Variants in ARVCF observed in about 807,000 individuals in gnomAD.
ARVCF encodes splicing regulator ARVCF.
Under a neutral mutation model 90.9 loss-of-function variants are expected in ARVCF, and 66 were observed. The ratio of observed to expected loss-of-function variants is 0.73; its 90% CI spans 0.60 to 0.89. ARVCF has a LOEUF of 0.89. Among genes scored for constraint, ARVCF ranks in the 40% least tolerant of loss-of-function variants. The pLI is 0.00. For missense variants in ARVCF, 1,469 were observed against 1,382.3 expected, an observed-to-expected ratio of 1.06 and a Z score of -1.00; for synonymous variants, 653 against 603.4, an observed-to-expected ratio of 1.08 and a Z score of -1.21.
chr22:20,015,148 G>A (rs1944985477), intron 1 of ARVCF, among the ~76,000 whole-genome samples: 1 of 152,216 alleles, frequency 6.6e-6, no homozygotes. Context: ...TGACAGGGCA[G>A]CTCAGCCAAG....
chr22:19,996,124 G>A (rs1005306141), intron 2 of ARVCF, among the ~76,000 whole-genome samples: 3 of 152,202 alleles, frequency 2.0e-5, no homozygotes, highest in Non-Finnish European at 2.9e-5. Flanking sequence ...CAGAGCCGGG[G>A]GCCTGGGGTT....
downstream of ARVCF, chr22:19,965,279 C>A (rs1034235891): frequency 6.6e-6 from 1 of 152,172 alleles, no homozygotes; most frequent in Admixed American, 6.6e-5. Flanking sequence ...TGGGAGGCTA[C>A]GGCAGGAGGA....
intron 2 of ARVCF, among the ~76,000 whole-genome samples, chr22:19,997,825 C>T (rs895064739): frequency 2.6e-5 from 4 of 152,182 alleles, no homozygotes; most frequent in East Asian, 1.9e-4. Flanking sequence ...CTAAGTGGGC[C>T]GGACATTGGT....
At chr22:20,016,216 G>C (rs1318546245) in intron 1 of ARVCF, among the ~76,000 whole-genome samples, 1 of 152,234 alleles carries the variant, frequency 6.6e-6, no homozygotes, top group Non-Finnish European at 1.5e-5. Flanking sequence ...GGCGGCTGCA[G>C]GGCCCTGGCA....
At chr22:19,988,729 A>G (rs1343407684) in intron 3 of ARVCF, among the ~76,000 whole-genome samples, 1 of 152,192 alleles carries the variant, frequency 6.6e-6, no homozygotes, top group African/African-American at 2.4e-5. Flanking sequence ...ACTGAAACCA[A>G]TCTGGGAAAC....
At chr22:19,968,489 T>C, downstream of ARVCF, 2 of 1,582,032 alleles carry the variant, frequency 1.3e-6, no homozygotes, top group Non-Finnish European at 1.7e-6. Flanking sequence ...GCAGGTTCTC[T>C]GGGCACCTCT....
intron 3 of ARVCF, among the ~76,000 whole-genome samples, chr22:19,983,024 G>T (rs2238781): frequency 0.36 from 54,637 of 152,194 alleles, 9,908 homozygotes; most frequent in South Asian, 0.45. Flanking sequence ...TCAGAGCCAG[G>T]CCCAACCCCT....
In ARVCF at chr22:19,975,685, C is replaced by T; in HGVS notation, c.1960+1G>A. 1 of 1,613,622 alleles carries T rather than the reference C, an allele frequency of 6.2e-7. No homozygotes were observed. The highest frequency in any genetic ancestry group is 8.5e-7 in the Non-Finnish European group (1 of 1,179,968). On this transcript the variant is annotated splice_donor_variant, in intron 11 of 19. Transcript: ENST00000263207. LOFTEE classifies it high-confidence loss of function. ...AGCTGGCTTCATCTCAGCCCACTCA[C>T]CTTTGGCGGCCTCAGTTCGCTTGGG... is the stretch of plus-strand genomic sequence containing the variant.
chr22:19,973,921 A>T, intron 12 of ARVCF, 128 bp from the exon 13 acceptor site: 5 of 1,480,378 alleles, frequency 3.4e-6, no homozygotes, highest in Non-Finnish European at 4.5e-6. Context: ...CCAAAAGCTC[A>T]ACGGCACCTC....
At chr22:19,981,174 C>A in intron 5 of ARVCF, 37 bp downstream of exon 5, 1 of 1,484,024 alleles carries the variant, frequency 6.7e-7, no homozygotes, top group Non-Finnish European at 9.0e-7. Context: ...GCAGACTTCC[C>A]AGAGGAGGTA....
At position 19,978,069 on chromosome 22, in the gene ARVCF, C is replaced by G; in HGVS notation, c.1587G>C (p.Val529=). The change falls in exon 8 of 20, where the codon GTG becomes GTC. Residue 529 remains valine, a synonymous_variant. Transcript: ENST00000263207. The stretch of plus-strand genomic sequence containing the variant: ...GCCGGGCCTCAGCACCATCGGAGCT[C>G]ACATTCCTGTGTGGCCAAGAGCAGG... ...FKNTSGCLRN[V]SSDGAEARRR... is the part of the protein sequence containing the mutation. 6.2e-7 allele frequency: 1 copy of G among 1,606,266 alleles called. No homozygotes were observed. Among genetic ancestry groups the G allele is most frequent in the Non-Finnish European group, 8.5e-7 (1 of 1,176,620 alleles).
chr22:20,007,999 C>T (rs983369875), intron 2 of ARVCF, among the ~76,000 whole-genome samples: 1 of 151,154 alleles, frequency 6.6e-6, no homozygotes, highest in Non-Finnish European at 1.5e-5. Context: ...CACAGAGAGA[C>T]GGAATATCTA....
chr22:19,970,667 G>A lies in ARVCF; in HGVS notation c.*89C>T. On this transcript the variant is annotated 3_prime_UTR_variant, in exon 20 of 20. Coordinates refer to ENST00000263207, the MANE Select transcript of ARVCF (RefSeq NM_001670.3). The stretch of plus-strand genomic sequence containing the variant: ...AACCCCTGCCGCCAGGGGGCTCCAA[G>A]CTCCACGGCACGATCTGCTCAGGGT... 7.8e-7 allele frequency: 1 copy of A among 1,287,058 alleles called. No homozygotes were observed. The highest frequency in any genetic ancestry group is 1.2e-5 in the South Asian group (1 of 80,628). The allele number at this position is 1,287,058 out of a possible 1,614,324, so 79.7% of individuals were successfully genotyped here. A position where few individuals can be genotyped will look rare whatever the true frequency, so the allele number is the denominator to read the frequency against.
chr22:20,005,700 G>C (rs1226706579), intron 2 of ARVCF, among the ~76,000 whole-genome samples: 1 of 151,746 alleles, frequency 6.6e-6, no homozygotes, highest in Non-Finnish European at 1.5e-5. Context: ...GGCGCCTGTA[G>C]TCCCAGCTAC....
chr22:19,966,912 C>A, downstream of ARVCF: 1 of 983,026 alleles, frequency 1.0e-6, no homozygotes, highest in Non-Finnish European at 1.2e-6. Flanking sequence ...GTCACCTGCT[C>A]CTCTGACACT....
At chr22:19,978,815 G>A (rs767015209) in intron 7 of ARVCF, 82 bp downstream of exon 7, 123 of 1,486,018 alleles carry the variant, frequency 8.3e-5, no homozygotes, top group Middle Eastern at 2.5e-4. Context: ...TCCTAAGCTC[G>A]CCGCCATCTT....
At chr22:20,015,569 A>G (rs1188269359) in intron 1 of ARVCF, among the ~76,000 whole-genome samples, 1 of 152,192 alleles carries the variant, frequency 6.6e-6, no homozygotes, top group Non-Finnish European at 1.5e-5. Flanking sequence ...GTAAAGGCAG[A>G]TAAGGCAGTA....
chr22:19,973,886 C>T, intron 12 of ARVCF, 93 bp from the exon 13 acceptor site: 1 of 1,520,730 alleles, frequency 6.6e-7, no homozygotes, highest in Non-Finnish European at 8.8e-7. Flanking sequence ...GACCTTCCTG[C>T]TCCCGTGCCC....
rs1413799563 is a variant in ARVCF, at chr22:20,016,702, G to A, written c.-186C>T. The A allele has an allele frequency of 6.6e-6, 1 of 151,026 alleles. No homozygotes were observed. The highest frequency in any genetic ancestry group is 1.5e-5 in the Non-Finnish European group (1 of 67,710). 9.4% of individuals were successfully genotyped at this position (151,026 alleles called of 1,614,324 possible). On this transcript the variant is annotated 5_prime_UTR_variant, in exon 1 of 20. Coordinates refer to ENST00000263207, the MANE Select transcript of ARVCF (RefSeq NM_001670.3). ...CCAGGGCGCGGCGCGGTGCGGCGCGGCGCGGGTCGCAGTCCACGCGGCCGC... is the reference window on the plus strand; with the variant it reads ...CCAGGGCGCGGCGCGGTGCGGCGCGACGCGGGTCGCAGTCCACGCGGCCGC...
Sources: allele counts gnomAD v4.1 joint callset (sites outside exome capture counted in the v4.1 genomes callset), GRCh38; gene constraint gnomAD v4.1.1; transcripts MANE v1.5; gene names NCBI Gene and HGNC (gene_info 2026-07-23, HGNC 2026-07-21).